Variants in PCDHGA2 observed in about 807,000 individuals in gnomAD.
The protein encoded by PCDHGA2 is protocadherin gamma-A2.
In PCDHGA2, 40 loss-of-function variants were observed where a neutral mutation model predicts 59.2. The ratio of observed to expected loss-of-function variants is 0.68; its 90% CI spans 0.52 to 0.88. The LOEUF is 0.88. Ranked by LOEUF, PCDHGA2 falls within the 40% of genes least tolerant of loss-of-function variation. PCDHGA2 has a pLI of 0.00. For missense variants in PCDHGA2, 1,226 were observed against 1,204.0 expected (o/e 1.02, Z -0.27); for synonymous variants, 560 against 526.0 (o/e 1.06, Z -0.89).
intron 1 of PCDHGA2, among the ~76,000 whole-genome samples, chr5:141,457,906 T>G (rs1272656638): frequency 6.7e-6 from 1 of 150,040 alleles, no homozygotes; most frequent in Admixed American, 6.6e-5. Flanking sequence ...AGACAAGGTG[T>G]GAGGCCAGTT....
chr5:141,380,369 A>G (rs1776432009), intron 1 of PCDHGA2, among the ~76,000 whole-genome samples: 1 of 152,238 alleles, frequency 6.6e-6, no homozygotes, highest in Non-Finnish European at 1.5e-5. Context: ...TAGAAAAAAA[A>G]GTCCCAAAAA....
At chr5:141,475,684 T>C (rs2099367059) in intron 1 of PCDHGA2, among the ~76,000 whole-genome samples, 1 of 152,228 alleles carries the variant, frequency 6.6e-6, no homozygotes, top group African/African-American at 2.4e-5. Context: ...TTGATTTGGA[T>C]TGGAGACTTG....
chr5:141,468,920 A>G (rs2099185605), intron 1 of PCDHGA2, among the ~76,000 whole-genome samples: 1 of 151,612 alleles, frequency 6.6e-6, no homozygotes, highest in South Asian at 2.1e-4. Context: ...AGAAGAGAAT[A>G]GCACTAAAAT....
At chr5:141,460,849 G>A (rs908955373) in intron 1 of PCDHGA2, among the ~76,000 whole-genome samples, 1 of 150,224 alleles carries the variant, frequency 6.7e-6, no homozygotes, top group Non-Finnish European at 1.5e-5. Flanking sequence ...CCTCCAGTTC[G>A]ATCCAAGTTG....
intron 2 of PCDHGA2, among the ~76,000 whole-genome samples, chr5:141,501,290 TACACACACACACACACACACAC>T (rs55762287): frequency 1.4e-4 from 19 of 136,248 alleles, no homozygotes; most frequent in Admixed American, 1.1e-3. Context: ...TATTCCCTTA[TACACACACACACACACACACAC>T]ACACACACAC....
chr5:141,413,391 C>T lies in PCDHGA2; in HGVS notation c.2424+71996C>T, dbSNP rs375582894. ...CGGAGCGCGGAGTCCGCATAGTCTC[C>T]AGAGGTAGGACGCAGCTTTTCTCTC... On this transcript the variant is annotated intron_variant, in intron 1 of 3. Transcript: ENST00000394576. The T allele has an allele frequency of 1.2e-5, 19 of 1,613,902 alleles. No homozygotes were observed. In the African/African-American group the frequency reaches 2.4e-4, roughly 20 times the overall value.
chr5:141,361,966 G>T (rs763102211), intron 1 of PCDHGA2: 1 of 1,601,844 alleles, frequency 6.2e-7, no homozygotes, highest in African/African-American at 1.3e-5. Context: ...CGTGCTGCAG[G>T]CCAGCGAGCC....
At chr5:141,355,831 G>T in intron 1 of PCDHGA2, 1 of 1,612,566 alleles carries the variant, frequency 6.2e-7, no homozygotes, top group Non-Finnish European at 8.5e-7. Context: ...TCACCACCTC[G>T]TTCTCACGGC....
At chr5:141,358,867 G>A (rs1761039992) in intron 1 of PCDHGA2, among the ~76,000 whole-genome samples, 1 of 152,176 alleles carries the variant, frequency 6.6e-6, no homozygotes, top group Admixed American at 6.5e-5. Context: ...AGATATTTCT[G>A]TCATCATGTG....
At chr5:141,366,284 C>T in intron 1 of PCDHGA2, 1 of 1,613,714 alleles carries the variant, frequency 6.2e-7, no homozygotes, top group Non-Finnish European at 8.5e-7. Context: ...CCATGGCCAG[C>T]CCCCTCTGTC....
intron 1 of PCDHGA2, chr5:141,419,465 G>A (rs568864628): frequency 1.9e-6 from 3 of 1,612,544 alleles, no homozygotes; most frequent in South Asian, 1.1e-5. Context: ...GCAGGCCCGC[G>A]ACCAGGGCTC....
intron 1 of PCDHGA2, among the ~76,000 whole-genome samples, chr5:141,460,221 C>T (rs931609262): frequency 3.4e-4 from 51 of 151,918 alleles, no homozygotes; most frequent in African/African-American, 1.2e-3. Flanking sequence ...TTAGTTGTGT[C>T]TTTTGAAGAG....
rs772043134 is a variant in PCDHGA2, at chr5:141,432,746, G to A, written c.2425-62061G>A. 1.2e-6 allele frequency: 2 copies of A among 1,614,098 alleles called. No homozygotes were observed. Among genetic ancestry groups the A allele is most frequent in the East Asian group, 4.5e-5 (2 of 44,860 alleles). On this transcript the variant is annotated intron_variant, in intron 1 of 3. Coordinates refer to ENST00000394576, the MANE Select transcript of PCDHGA2 (RefSeq NM_018915.4). The surrounding 1 kb of genome is among the most constrained non-coding windows in gnomAD (Gnocchi z 6.0). ...CTCCGCCACTGTCACGCTCACCGTGGCCGTGGCCGACAGCATCCCCCAAGT... is the reference window on the plus strand; with the variant it reads ...CTCCGCCACTGTCACGCTCACCGTGACCGTGGCCGACAGCATCCCCCAAGT...
chr5:141,407,139 A>G lies in PCDHGA2; in HGVS notation c.2424+65744A>G, dbSNP rs190510544. Among the ~76,000 whole-genome samples, 1,517 of 152,332 alleles carry G rather than the reference A, an allele frequency of 1.0e-2. 33 individuals carry two copies. The highest frequency in any genetic ancestry group is 0.034 in the African/African-American group (1,425 of 41,568). On this transcript the variant is annotated intron_variant, in intron 1 of 3. Coordinates refer to ENST00000394576, the MANE Select transcript of PCDHGA2 (RefSeq NM_018915.4). ...TTTCAGTTGCTTTATTTTTAAGAAA[A>G]AAAAGCTGAAGTGTCTGGGAATCCT...
chr5:141,395,119 T>C, intron 1 of PCDHGA2: 1 of 1,614,182 alleles, frequency 6.2e-7, no homozygotes. Flanking sequence ...AGTCACCTGA[T>C]CTTTCCCCAG....
chr5:141,475,098 C>G (rs1252108172), intron 1 of PCDHGA2, among the ~76,000 whole-genome samples: 1 of 152,108 alleles, frequency 6.6e-6, no homozygotes, highest in East Asian at 1.9e-4. Flanking sequence ...TTATAAAGAT[C>G]CTAGGTGGTA....
rs758982878 is a variant in PCDHGA2, at chr5:141,366,077, G to A, written c.2424+24682G>A. 1.9e-6 allele frequency: 3 copies of A among 1,614,248 alleles called. No individual in the cohort carries two copies. The South Asian group carries it at 3.3e-5, about 18-fold the overall frequency. ...CGTGGAGCTGGCGCCTCGCTCCGCA[G>A]AACCTGGCTACCTGGTGACCAAGGT... On this transcript the variant is annotated intron_variant, in intron 1 of 3. Coordinates refer to ENST00000394576, the MANE Select transcript of PCDHGA2 (RefSeq NM_018915.4).
At position 141,431,906 on chromosome 5, in the gene PCDHGA2, A is replaced by G; in HGVS notation, c.2425-62901A>G. 1 of 1,613,868 alleles carries G rather than the reference A, an allele frequency of 6.2e-7. No individual in the cohort carries two copies. Among genetic ancestry groups the G allele is most frequent in the Non-Finnish European group, 8.5e-7 (1 of 1,179,692 alleles). On this transcript the variant is annotated intron_variant, in intron 1 of 3. Transcript: ENST00000394576. This position sits in a 1 kb window ranked among gnomAD's most constrained non-coding sequence, Gnocchi z 4.8. ...AGATTCTGAGGAAAACGGACAGGTG[A>G]TCTGTTTCATCCAAGGAAATCTGCC...
At chr5:141,374,730 A>G (rs1770785005) in intron 1 of PCDHGA2, 1 of 1,610,644 alleles carries the variant, frequency 6.2e-7, no homozygotes, top group South Asian at 1.1e-5. Context: ...ACTGCCATGG[A>G]TGGCGGCGAC....
Sources: gnomAD v4.1 joint callset for allele counts (sites outside exome capture counted in the v4.1 genomes callset) on GRCh38, gnomAD v4.1.1 for gene constraint, Gnocchi (gnomAD v3.1) non-coding constraint, MANE v1.5 for transcripts, NCBI Gene and HGNC (gene_info 2026-07-23, HGNC 2026-07-21) for gene names.